Variants in CDYL observed in about 807,000 individuals in gnomAD.
The protein encoded by CDYL is chromodomain Y-like protein.
CDYL carries 8 observed loss-of-function variants against 47.3 expected under a neutral mutation model. The observed-to-expected ratio is 0.17, with a 90% CI of 0.10 to 0.31. The LOEUF (loss-of-function observed/expected upper bound fraction) is 0.31. Ranked by LOEUF, CDYL falls within the 10% of genes least tolerant of loss-of-function variation. CDYL has a pLI of 1.00. For synonymous variants in CDYL, 266 were observed against 265.0 expected (o/e 1.00, Z -0.04); for missense variants, 471 against 701.4 (o/e 0.67, Z 3.71).
rs531984518 is a variant in CDYL at position 4,806,900 on chromosome 6, A to G, written c.24+30093A>G. Among the ~76,000 whole-genome samples, 95 of 152,334 alleles carry G rather than the reference A, an allele frequency of 6.2e-4. 1 individual carries two copies. The highest frequency in any genetic ancestry group is 2.2e-3 in the African/African-American group (92 of 41,584). On this transcript the variant is annotated intron_variant, in intron 1 of 6. Coordinates refer to ENST00000397588, the MANE Select transcript of CDYL (RefSeq NM_004824.4). ...AAACCAAGTGGCTCAGGCAACAGAC[A>G]TTTGTTTCCTCACTGTTTCTGAGGG...
chr6:4,776,762 G>A lies in CDYL; in HGVS notation c.-22G>A. 2.9e-6 allele frequency: 1 copy of A among 339,032 alleles called. No homozygotes were observed. The highest frequency in any genetic ancestry group is 4.2e-6 in the Non-Finnish European group (1 of 240,414). The allele number at this position is 339,032 out of a possible 1,614,324, so 21.0% of individuals were successfully genotyped here. A position where few individuals can be genotyped will look rare whatever the true frequency, so the allele number is the denominator to read the frequency against. On this transcript the variant is annotated 5_prime_UTR_variant, in exon 1 of 7. Transcript: ENST00000397588. ...CGCCCGCCCCGACCCTGCCCCTCCCGCCCGCAACTCCGCCGCCCACCATGG... is the reference window on the plus strand; with the variant it reads ...CGCCCGCCCCGACCCTGCCCCTCCCACCCGCAACTCCGCCGCCCACCATGG...
Position 4,892,224 on chromosome 6 carries a change from C to G in CDYL, c.536C>G (p.Pro179Arg). ...CAGGGTCAGGAGGACACAGTGGCAC[C>G]CGAAGTGGCAGCGGAAAAGCCGGTC... ...VEQGQEDTVA[P>R]EVAAEKPVGA... Residue 179 changes from proline to arginine, a missense_variant, in exon 2 of 7, where the codon CCC becomes CGC. Physicochemically the swap from Pro to Arg is moderately radical, Grantham distance 103 (BLOSUM62 -2). Coordinates refer to ENST00000397588, the MANE Select transcript of CDYL (RefSeq NM_004824.4). The G allele has an allele frequency of 6.2e-7, 1 of 1,614,216 alleles. No individual in the cohort carries two copies. The highest frequency in any genetic ancestry group is 8.5e-7 in the Non-Finnish European group (1 of 1,180,038).
chr6:4,844,894 CAAAT>C (rs1760609029), intron 1 of CDYL, among the ~76,000 whole-genome samples: 1 of 151,974 alleles, frequency 6.6e-6, no homozygotes, highest in Non-Finnish European at 1.5e-5. Context: ...CTATATTCAA[CAAAT>C]AATTTTGCAA....
intron 1 of CDYL, among the ~76,000 whole-genome samples, chr6:4,715,409 T>C (rs1665025925): frequency 6.6e-6 from 1 of 152,266 alleles, no homozygotes; most frequent in Non-Finnish European, 1.5e-5. Flanking sequence ...TCCAACCTCA[T>C]GATAAGTATC....
intron 1 of CDYL, among the ~76,000 whole-genome samples, chr6:4,778,267 G>A (rs1456499648): frequency 6.6e-6 from 1 of 152,142 alleles, no homozygotes; most frequent in African/African-American, 2.4e-5. Flanking sequence ...AGTCATGAGT[G>A]TTCACTCTTG....
intron 2 of CDYL, among the ~76,000 whole-genome samples, chr6:4,727,156 T>C (rs1320920198): frequency 2.0e-5 from 3 of 152,184 alleles, no homozygotes; most frequent in Non-Finnish European, 4.4e-5. Context: ...AAAGTAGCTA[T>C]CTGCCAACAC....
chr6:4,902,931 T>A (rs1362130750), intron 2 of CDYL, among the ~76,000 whole-genome samples: 1 of 152,190 alleles, frequency 6.6e-6, no homozygotes, highest in Non-Finnish European at 1.5e-5. Context: ...CTTTAAATGG[T>A]AAAATGGAAG....
chr6:4,922,593 T>G (rs1757749214), intron 2 of CDYL, among the ~76,000 whole-genome samples: 1 of 152,208 alleles, frequency 6.6e-6, no homozygotes, highest in Non-Finnish European at 1.5e-5. Context: ...TGCCCACCAG[T>G]ACGTGCTTCA....
intron 2 of CDYL, among the ~76,000 whole-genome samples, chr6:4,929,502 A>ACC (rs1262477704): frequency 2.5e-4 from 37 of 150,818 alleles, no homozygotes; most frequent in African/African-American, 9.1e-4. Context: ...TTACACACAC[A>ACC]CACACACACA....
intron 1 of CDYL, among the ~76,000 whole-genome samples, chr6:4,830,819 G>A (rs1760118357): frequency 7.3e-6 from 1 of 136,606 alleles, no homozygotes; most frequent in Non-Finnish European, 1.5e-5. Flanking sequence ...TGTTTTCATT[G>A]TTCAATTCCC....
chr6:4,772,098 C>A (rs1231125250), upstream of CDYL, among the ~76,000 whole-genome samples: 3 of 152,206 alleles, frequency 2.0e-5, no homozygotes, highest in African/African-American at 2.4e-5. Flanking sequence ...TACTTAAACA[C>A]TAAATCTAGT....
chr6:4,949,719 A>G (rs1053470875), intron 5 of CDYL, among the ~76,000 whole-genome samples: 5 of 152,226 alleles, frequency 3.3e-5, no homozygotes, highest in East Asian at 1.9e-4. Context: ...TTTTGAAACT[A>G]CTGAAAATAG....
At chr6:4,710,379 G>GAGAAGGAAGGAAGGAAGGAAGGAA (rs1554130870) in intron 1 of CDYL, among the ~76,000 whole-genome samples, 1 of 101,162 alleles carries the variant, frequency 9.9e-6, no homozygotes, top group East Asian at 4.3e-4. Flanking sequence ...GAGGGAGGGA[G>GAGAAGGAAGGAAGGAAGGAAGGAA]GGAAGGAAGG....
At chr6:4,889,735 A>T (rs1581238115) in intron 1 of CDYL, among the ~76,000 whole-genome samples, 1 of 152,182 alleles carries the variant, frequency 6.6e-6, no homozygotes, top group Non-Finnish European at 1.5e-5. Context: ...CCATAAGCCT[A>T]AAACATTTAC....
chr6:4,767,569 T>G (rs1018819037), intron 3 of CDYL, among the ~76,000 whole-genome samples: 1 of 147,178 alleles, frequency 6.8e-6, no homozygotes, highest in Admixed American at 6.9e-5. Context: ...TAAGACACCC[T>G]CGAGAGGAGA....
chr6:4,727,895 A>C (rs1162969968), intron 2 of CDYL, among the ~76,000 whole-genome samples: 2 of 152,072 alleles, frequency 1.3e-5, no homozygotes, highest in African/African-American at 4.8e-5. Flanking sequence ...GGTTGGTTTC[A>C]GTCTTGCTGG....
intron 1 of CDYL, among the ~76,000 whole-genome samples, chr6:4,883,790 G>C (rs920997610): frequency 3.3e-5 from 5 of 152,170 alleles, no homozygotes; most frequent in African/African-American, 1.2e-4. Flanking sequence ...CTCTCCCTCT[G>C]TGAAGGGCAG....
chr6:4,927,256 C>G (rs1757902270), intron 2 of CDYL, among the ~76,000 whole-genome samples: 1 of 152,040 alleles, frequency 6.6e-6, no homozygotes. Context: ...CCACATCTTA[C>G]AAAATTGCTT....
exon 1 of CDYL, chr6:4,706,216 A>C (rs1757043023): frequency 6.6e-6 from 1 of 152,188 alleles, no homozygotes; most frequent in African/African-American, 2.4e-5. Flanking sequence ...GTTTCAAACA[A>C]TATCCTGAAG....
Sources: allele counts gnomAD v4.1 joint callset (sites outside exome capture counted in the v4.1 genomes callset), GRCh38; gene constraint gnomAD v4.1.1; transcripts MANE v1.5; gene names NCBI Gene and HGNC (gene_info 2026-07-23, HGNC 2026-07-21).